NEO1: variants seen among roughly 807,000 people sequenced by gnomAD.
The protein encoded by NEO1 is neogenin.
A neutral mutation model predicts 159.7 loss-of-function variants in NEO1; 63 were observed. The ratio of observed to expected loss-of-function variants is 0.39; its 90% CI spans 0.32 to 0.49. NEO1 has a LOEUF of 0.49. NEO1 is among the 20% of genes least tolerant of loss of function. The pLI is 0.85. For synonymous variants in NEO1, 633 were observed against 662.0 expected (o/e 0.96, Z 0.67); for missense variants, 1,615 against 1,831.0 (o/e 0.88, Z 2.15).
intron 5 of NEO1, among the ~76,000 whole-genome samples, chr15:73,157,632 A>T (rs1305842516): frequency 1.3e-5 from 2 of 152,130 alleles, no homozygotes. Context: ...TTCTTCTCAG[A>T]TGTTGAAGTT....
At chr15:73,173,496 G>A (rs777571138) in intron 5 of NEO1, among the ~76,000 whole-genome samples, 26 of 152,142 alleles carry the variant, frequency 1.7e-4, no homozygotes, top group Non-Finnish European at 2.4e-4. Flanking sequence ...CCAGATATAT[G>A]TAAAGCTGGA....
chr15:73,249,186 A>T lies in NEO1; in HGVS notation c.1733A>T (p.Glu578Val). 1 of 1,613,932 alleles carries T rather than the reference A, an allele frequency of 6.2e-7. No homozygotes were observed. The highest frequency in any genetic ancestry group is 8.5e-7 in the Non-Finnish European group (1 of 1,179,834). The change falls in exon 10 of 29, where the codon GAA becomes GTA. Residue 578 changes from glutamate to valine, a missense_variant. Glu to Val is a moderately radical substitution (Grantham distance 121, BLOSUM62 -2). Transcript: ENST00000261908. Reference sequence around the variant, plus strand: ...CAGAATTATAAATTGTACTACATGGAAAAGGGGACTGATAAAGAACAGGTA... The same window carrying T: ...CAGAATTATAAATTGTACTACATGGTAAAGGGGACTGATAAAGAACAGGTA... ...EIQNYKLYYM[E>V]KGTDKEQDVD...
chr15:73,093,388 G>C (rs2069808516), intron 1 of NEO1, among the ~76,000 whole-genome samples: 2 of 152,142 alleles, frequency 1.3e-5, no homozygotes, highest in African/African-American at 4.8e-5. Flanking sequence ...CTCGTAGAGG[G>C]TGGTGTTTCT....
chr15:73,222,950 T>C (rs1355693001), intron 7 of NEO1, among the ~76,000 whole-genome samples: 1 of 152,248 alleles, frequency 6.6e-6, no homozygotes, highest in African/African-American at 2.4e-5. Context: ...CCCTTTGCTG[T>C]ATCCCAGAGG....
intron 8 of NEO1, among the ~76,000 whole-genome samples, chr15:73,240,430 A>G (rs892760111): frequency 6.6e-6 from 1 of 152,240 alleles, no homozygotes; most frequent in Non-Finnish European, 1.5e-5. Flanking sequence ...TGCTGTGAGA[A>G]GGATGCAAAG....
chr15:73,074,269 T>C (rs954010551), intron 1 of NEO1, among the ~76,000 whole-genome samples: 12 of 152,210 alleles, frequency 7.9e-5, no homozygotes, highest in Non-Finnish European at 1.6e-4. Context: ...AAACGGGTTC[T>C]GTCTGAAAAT....
intron 7 of NEO1, 22 bp from the exon 8 acceptor site, chr15:73,236,325 A>G (rs2039168861): frequency 6.2e-7 from 1 of 1,614,076 alleles, no homozygotes; most frequent in Non-Finnish European, 8.5e-7. Context: ...TTCACTGACC[A>G]GTGCCACTAC....
intron 5 of NEO1, among the ~76,000 whole-genome samples, chr15:73,141,089 T>G (rs949850124): frequency 8.5e-5 from 13 of 152,240 alleles, no homozygotes; most frequent in Non-Finnish European, 1.3e-4. Flanking sequence ...CTTTTTTTAC[T>G]GTTTACAGAT....
intron 8 of NEO1, among the ~76,000 whole-genome samples, chr15:73,236,897 G>C (rs2039207236): frequency 6.6e-6 from 1 of 152,164 alleles, no homozygotes; most frequent in Admixed American, 6.5e-5. Flanking sequence ...GGTTCTCCTT[G>C]ATGGAATAAG....
At chr15:73,095,355 A>T (rs1223740717) in intron 1 of NEO1, among the ~76,000 whole-genome samples, 2 of 152,198 alleles carry the variant, frequency 1.3e-5, no homozygotes, top group African/African-American at 4.8e-5. Context: ...TGCGACAGCA[A>T]CTGTGTGTAG....
In NEO1 at chr15:73,176,417, C is replaced by T. The variant is rs1326727569; in HGVS notation, c.1030C>T (p.Leu344=). 5 of 1,547,048 alleles carry T rather than the reference C, an allele frequency of 3.2e-6. No individual in the cohort carries two copies. In the East Asian group the frequency reaches 9.4e-5, roughly 29 times the overall value. Residue 344 remains leucine, a synonymous_variant, in exon 6 of 29, where the codon CTG becomes TTG. Transcript: ENST00000261908. Reference sequence around the variant, plus strand: ...TTATTTTAAAGCTCAACCTGAATTCCTGAAGCAGCCTACTAATATATATGC... The same window carrying T: ...TTATTTTAAAGCTCAACCTGAATTCTTGAAGCAGCCTACTAATATATATGC... ...ELTVQAQPEF[L]KQPTNIYAHE... is the part of the protein sequence containing the mutation.
At chr15:73,149,485 TACAG>T (rs2033198804) in intron 5 of NEO1, among the ~76,000 whole-genome samples, 1 of 152,234 alleles carries the variant, frequency 6.6e-6, no homozygotes, top group African/African-American at 2.4e-5. Flanking sequence ...CAGTAGGTGA[TACAG>T]AGAAGTAGTT....
At chr15:73,263,521 A>G (rs2040734033) in intron 15 of NEO1, among the ~76,000 whole-genome samples, 1 of 152,002 alleles carries the variant, frequency 6.6e-6, no homozygotes, top group Non-Finnish European at 1.5e-5. Flanking sequence ...AAGCAAAAGA[A>G]TTTGAGAAAT....
At chr15:73,283,782 CTG>C (rs1247382421) in intron 23 of NEO1, among the ~76,000 whole-genome samples, 1 of 152,202 alleles carries the variant, frequency 6.6e-6, no homozygotes, top group Non-Finnish European at 1.5e-5. Context: ...GCCCAGGAGT[CTG>C]TGGACATTCT....
intron 16 of NEO1, among the ~76,000 whole-genome samples, chr15:73,269,233 A>G (rs2041057217): frequency 6.6e-6 from 1 of 152,216 alleles, no homozygotes; most frequent in African/African-American, 2.4e-5. Context: ...ATATGCACAG[A>G]TAACTCTTGT....
chr15:73,161,474 G>A (rs12050774), intron 5 of NEO1, among the ~76,000 whole-genome samples: 49,053 of 151,988 alleles, frequency 0.32, 9,088 homozygotes, highest in Admixed American at 0.45. Context: ...TTAAAATGCC[G>A]AGGTTATTTC....
At chr15:73,284,573 C>T (rs916010904) in intron 23 of NEO1, among the ~76,000 whole-genome samples, 8 of 149,734 alleles carry the variant, frequency 5.3e-5, no homozygotes, top group African/African-American at 2.0e-4. Context: ...CCTCTTATAG[C>T]TCTTCCTTTT....
At chr15:73,144,724 A>T (rs1354102395) in intron 5 of NEO1, among the ~76,000 whole-genome samples, 2 of 152,190 alleles carry the variant, frequency 1.3e-5, no homozygotes, top group Non-Finnish European at 2.9e-5. Flanking sequence ...GATGTCCCAC[A>T]GGTACCTCAG....
Position 73,235,071 on chromosome 15 carries a change from A to G in NEO1, c.1292-1276A>G, listed in dbSNP as rs1408732255. On this transcript the variant is annotated intron_variant, in intron 7 of 28. Transcript: ENST00000261908. The stretch of plus-strand genomic sequence containing the variant: ...GGATTACTCTTCTCCCTTTCCACCT[A>G]TCTAGAGATTTTAGGTTGGTCCTCC... 5.3e-5 allele frequency among the ~76,000 whole-genome samples: 8 copies of G among 152,272 alleles called. No individual in the cohort carries two copies. In the East Asian group the frequency reaches 9.7e-4, roughly 18 times the overall value.
Sources: allele counts gnomAD v4.1 joint callset (sites outside exome capture counted in the v4.1 genomes callset), GRCh38; gene constraint gnomAD v4.1.1; transcripts MANE v1.5; gene names NCBI Gene and HGNC (gene_info 2026-07-23, HGNC 2026-07-21).